Variants in CAST observed in about 807,000 individuals in gnomAD.
CAST encodes MIR583 host.
CAST carries 76 observed loss-of-function variants against 119.6 expected under a neutral mutation model. The observed-to-expected ratio is 0.64, with a 90% CI of 0.53 to 0.77. The LOEUF (loss-of-function observed/expected upper bound fraction) is 0.77. Ranked by LOEUF, CAST falls within the 30% of genes least tolerant of loss-of-function variation. CAST has a pLI of 0.00. For missense variants in CAST, 953 were observed against 946.5 expected (o/e 1.01, Z -0.09); for synonymous variants, 319 against 331.6 (o/e 0.96, Z 0.41).
intron 1 of CAST, among the ~76,000 whole-genome samples, chr5:96,566,919 C>T (rs529896899): frequency 1.6e-4 from 24 of 152,056 alleles, no homozygotes; most frequent in Non-Finnish European, 3.1e-4. Flanking sequence ...TTTCGTTTTG[C>T]TTTGTTTTGT....
At chr5:96,271,051 A>T in the CAST span, among the ~76,000 whole-genome samples, 1,078 of 152,298 alleles carry the variant, frequency 7.1e-3, 11 homozygotes, top group African/African-American at 0.025. Context: ...AAATAATATA[A>T]AATGATCCAG....
chr5:96,249,569 C>A, the CAST span, among the ~76,000 whole-genome samples: 1 of 152,160 alleles, frequency 6.6e-6, no homozygotes, highest in African/African-American at 2.4e-5. Flanking sequence ...ACAAGCCCAT[C>A]ATTTCTATAT....
the CAST span, chr5:96,393,297 C>A: frequency 6.2e-7 from 1 of 1,614,062 alleles, no homozygotes; most frequent in Non-Finnish European, 8.5e-7. Context: ...TCCAACTCAT[C>A]CCTCCGGCCC....
At chr5:96,024,142 G>A in the CAST span, among the ~76,000 whole-genome samples, 3 of 152,126 alleles carry the variant, frequency 2.0e-5, no homozygotes, top group African/African-American at 4.8e-5. Flanking sequence ...CTTTTTATCA[G>A]TCTCCACCTG....
chr5:96,042,818 C>G, the CAST span, among the ~76,000 whole-genome samples: 10 of 152,120 alleles, frequency 6.6e-5, no homozygotes, highest in Admixed American at 4.6e-4. Flanking sequence ...AATAAAAATA[C>G]CTCCCAGAAG....
chr5:96,479,325 C>G, the CAST span, among the ~76,000 whole-genome samples: 1 of 152,136 alleles, frequency 6.6e-6, no homozygotes, highest in African/African-American at 2.4e-5. Context: ...CTCAACAGAG[C>G]TCCTTGAAAG....
At chr5:96,478,785 C>T in the CAST span, among the ~76,000 whole-genome samples, 2 of 152,152 alleles carry the variant, frequency 1.3e-5, no homozygotes, top group South Asian at 2.1e-4. Flanking sequence ...GAAGGGTCTG[C>T]ACCCTCCAGA....
the CAST span, among the ~76,000 whole-genome samples, chr5:96,036,576 T>A: frequency 6.6e-6 from 1 of 152,126 alleles, no homozygotes; most frequent in Non-Finnish European, 1.5e-5. Context: ...TGGCCTTGCT[T>A]GGTGAATATT....
At chr5:96,199,950 T>G in the CAST span, among the ~76,000 whole-genome samples, 3 of 152,166 alleles carry the variant, frequency 2.0e-5, no homozygotes, top group Non-Finnish European at 4.4e-5. Context: ...AAGTACAACT[T>G]AGTCTAGAAA....
chr5:96,637,088 G>C (rs911575097), intron 1 of CAST, among the ~76,000 whole-genome samples: 1 of 152,208 alleles, frequency 6.6e-6, no homozygotes, highest in Non-Finnish European at 1.5e-5. Flanking sequence ...ATGAGGAGCA[G>C]CATCAGGACA....
intron 1 of CAST, among the ~76,000 whole-genome samples, chr5:96,563,858 GA>G (rs1259619667): frequency 6.6e-6 from 1 of 152,164 alleles, no homozygotes; most frequent in African/African-American, 2.4e-5. Flanking sequence ...CATCTGATCT[GA>G]TCTGCAGATA....
chr5:96,671,737 C>T (rs551142886), intron 1 of CAST, among the ~76,000 whole-genome samples: 4 of 152,334 alleles, frequency 2.6e-5, no homozygotes, highest in African/African-American at 7.2e-5. Flanking sequence ...CAATCCTTCC[C>T]TGTTCCCTGC....
chr5:96,440,860 G>T, the CAST span, among the ~76,000 whole-genome samples: 3 of 152,290 alleles, frequency 2.0e-5, no homozygotes, highest in Admixed American at 6.5e-5. Flanking sequence ...GTTAAGAGTC[G>T]ATGGAAGAAC....
At chr5:96,448,978 T>G in the CAST span, among the ~76,000 whole-genome samples, 1 of 152,204 alleles carries the variant, frequency 6.6e-6, no homozygotes, top group Non-Finnish European at 1.5e-5. Context: ...AGGCTTATTA[T>G]GAAAAACAAC....
At chr5:95,986,729 AT>A in the CAST span, among the ~76,000 whole-genome samples, 2 of 152,142 alleles carry the variant, frequency 1.3e-5, no homozygotes, top group African/African-American at 4.8e-5. Context: ...TTTAAATTTG[AT>A]TTCTTAAAGA....
At chr5:96,088,389 A>G in the CAST span, among the ~76,000 whole-genome samples, 9 of 152,266 alleles carry the variant, frequency 5.9e-5, no homozygotes, top group African/African-American at 2.2e-4. Context: ...GATCTTGACA[A>G]TCAACAGCTC....
At chr5:96,035,902 C>T in the CAST span, among the ~76,000 whole-genome samples, 1 of 151,898 alleles carries the variant, frequency 6.6e-6, no homozygotes, top group African/African-American at 2.4e-5. Context: ...GCTTCCCCAT[C>T]CCTGCTCAGC....
chr5:96,200,459 A>G, the CAST span, among the ~76,000 whole-genome samples: 1 of 152,274 alleles, frequency 6.6e-6, no homozygotes, highest in Non-Finnish European at 1.5e-5. Flanking sequence ...TAGATGCTAT[A>G]TCTGCCAACC....
intron 24 of CAST, 57 bp downstream of exon 24, chr5:96,757,711 G>GA: frequency 8.7e-7 from 1 of 1,147,940 alleles, no homozygotes; most frequent in Non-Finnish European, 1.3e-6. Context: ...TTTCCTTTGA[G>GA]ATGGAGTCTT....
Sources: allele counts gnomAD v4.1 joint callset (sites outside exome capture counted in the v4.1 genomes callset), GRCh38; gene constraint gnomAD v4.1.1; transcripts MANE v1.5; gene names NCBI Gene and HGNC (gene_info 2026-07-23, HGNC 2026-07-21).